METTL15: variants seen among roughly 807,000 people sequenced by gnomAD.
METTL15 encodes the protein 12S rRNA N(4)-cytidine methyltransferase METTL15.
A neutral mutation model predicts 38.3 loss-of-function variants in METTL15; 34 were observed. The observed-to-expected ratio is 0.89, with a 90% CI of 0.68 to 1.18. METTL15 has a LOEUF of 1.18. Ranked by LOEUF, METTL15 falls within the 50% of genes most tolerant of loss-of-function variation. METTL15 has a pLI of 0.00. For synonymous variants in METTL15, 162 were observed against 170.9 expected, an observed-to-expected ratio of 0.95 and a Z score of 0.41; for missense variants, 438 against 498.4, an observed-to-expected ratio of 0.88 and a Z score of 1.15.
chr11:28,382,831 G>A (rs529306324), intron 5 of METTL15, among the ~76,000 whole-genome samples: 19 of 148,840 alleles, frequency 1.3e-4, no homozygotes, highest in South Asian at 4.2e-4. Flanking sequence ...GTGAAACTCC[G>A]TCTCAAAAAA....
At chr11:28,125,759 T>C (rs1852452924) in intron 3 of METTL15, 1 of 152,118 alleles carries the variant, frequency 6.6e-6, no homozygotes, top group Non-Finnish European at 1.5e-5. Flanking sequence ...GTAACTGTTT[T>C]GTTAAGTTCT....
At chr11:28,137,107 C>G (rs1849540448) in intron 3 of METTL15, among the ~76,000 whole-genome samples, 1 of 152,130 alleles carries the variant, frequency 6.6e-6, no homozygotes, top group Non-Finnish European at 1.5e-5. Flanking sequence ...AACCTTTTAT[C>G]ACACTTTACA....
chr11:28,421,086 A>G (rs1328866503), intron 5 of METTL15, among the ~76,000 whole-genome samples: 1 of 152,064 alleles, frequency 6.6e-6, no homozygotes, highest in Non-Finnish European at 1.5e-5. Context: ...GAGCAACTAT[A>G]TGTGAATAAA....
intron 3 of METTL15, among the ~76,000 whole-genome samples, chr11:28,182,194 C>G (rs1396204208): frequency 6.6e-6 from 1 of 151,918 alleles, no homozygotes; most frequent in African/African-American, 2.4e-5. Flanking sequence ...AAAATTTTCT[C>G]CCATTCTGTA....
chr11:28,380,352 T>TAGAGATGAGGTTTCACCATGTTAGC (rs1337323067), intron 5 of METTL15, among the ~76,000 whole-genome samples: 6 of 152,174 alleles, frequency 3.9e-5, no homozygotes, highest in Non-Finnish European at 2.9e-5. Context: ...GTATTTTTAA[T>TAGAGATGAGGTTTCACCATGTTAGC]AGAGATGAGG....
intron 4 of METTL15, among the ~76,000 whole-genome samples, chr11:28,214,817 A>T (rs1294481001): frequency 6.6e-6 from 1 of 152,188 alleles, no homozygotes; most frequent in Non-Finnish European, 1.5e-5. Flanking sequence ...AATACTTATA[A>T]AATTAGTAAG....
chr11:28,162,852 T>G (rs1212985670), intron 3 of METTL15, among the ~76,000 whole-genome samples: 2 of 152,168 alleles, frequency 1.3e-5, no homozygotes, highest in Non-Finnish European at 2.9e-5. Context: ...ATTCAAGGTA[T>G]GGTTTTGACT....
intron 5 of METTL15, among the ~76,000 whole-genome samples, chr11:28,385,871 T>C (rs548074163): frequency 2.6e-5 from 4 of 152,186 alleles, no homozygotes; most frequent in African/African-American, 9.6e-5. Context: ...GAACCAGAAG[T>C]CTCATAAATC....
At chr11:28,251,753 G>C (rs1261619796) in intron 4 of METTL15, among the ~76,000 whole-genome samples, 2 of 151,864 alleles carry the variant, frequency 1.3e-5, no homozygotes, top group Non-Finnish European at 2.9e-5. Context: ...TTCACACTCT[G>C]GTCATCATTT....
At chr11:28,499,973 A>G (rs145439161) in intron 6 of METTL15, among the ~76,000 whole-genome samples, 11 of 150,458 alleles carry the variant, frequency 7.3e-5, no homozygotes, top group African/African-American at 2.7e-4. Context: ...AACTTTTTCT[A>G]TTGTTTGTTT....
intron 3 of METTL15, among the ~76,000 whole-genome samples, chr11:28,168,404 A>G (rs1043420256): frequency 6.6e-6 from 1 of 151,706 alleles, no homozygotes; most frequent in African/African-American, 2.4e-5. Flanking sequence ...AGGGTAAGTA[A>G]TGAACATAAT....
intron 4 of METTL15, among the ~76,000 whole-genome samples, chr11:28,286,869 A>G (rs989163177): frequency 6.6e-6 from 1 of 151,876 alleles, no homozygotes; most frequent in Non-Finnish European, 1.5e-5. Flanking sequence ...CAGAACCAGT[A>G]GTATGTACAC....
intron 3 of METTL15, chr11:28,144,794 T>C (rs1000793127): frequency 1.3e-5 from 2 of 153,206 alleles, no homozygotes; most frequent in African/African-American, 4.8e-5. Context: ...CCACTGATTA[T>C]ACTTTTTATT....
At chr11:28,142,874 A>G (rs1046945708) in intron 3 of METTL15, among the ~76,000 whole-genome samples, 1 of 152,182 alleles carries the variant, frequency 6.6e-6, no homozygotes, top group East Asian at 1.9e-4. Flanking sequence ...TGGGTTGTGC[A>G]ACAGTAGATG....
intron 4 of METTL15, among the ~76,000 whole-genome samples, chr11:28,241,065 T>C (rs368143991): frequency 1.3e-5 from 2 of 152,328 alleles, no homozygotes; most frequent in East Asian, 3.9e-4. Flanking sequence ...TTATTTAGCA[T>C]ATATTTATTG....
intron 3 of METTL15, among the ~76,000 whole-genome samples, chr11:28,154,990 A>G (rs566516513): frequency 7.9e-5 from 12 of 152,280 alleles, no homozygotes; most frequent in Admixed American, 5.2e-4. Flanking sequence ...AAGAAACTAC[A>G]AAAGATAGAA....
intron 4 of METTL15, among the ~76,000 whole-genome samples, chr11:28,356,902 C>T (rs1850095212): frequency 6.6e-6 from 1 of 152,158 alleles, no homozygotes; most frequent in Non-Finnish European, 1.5e-5. Context: ...GAAGAAGAGG[C>T]ATTACCTGGC....
intron 4 of METTL15, among the ~76,000 whole-genome samples, chr11:28,236,071 G>T (rs1260527846): frequency 6.6e-6 from 1 of 152,084 alleles, no homozygotes; most frequent in Non-Finnish European, 1.5e-5. Context: ...TAATCATGTG[G>T]TTTTTGTCTT....
At chr11:28,491,596 G>A (rs1851495337) in intron 6 of METTL15, among the ~76,000 whole-genome samples, 3 of 152,086 alleles carry the variant, frequency 2.0e-5, no homozygotes, top group Non-Finnish European at 4.4e-5. Flanking sequence ...GGTCACTCTT[G>A]TGTATAGTCA....
Sources: gnomAD v4.1 joint callset for allele counts (sites outside exome capture counted in the v4.1 genomes callset) on GRCh38, gnomAD v4.1.1 for gene constraint, MANE v1.5 for transcripts, NCBI Gene and HGNC (gene_info 2026-07-23, HGNC 2026-07-21) for gene names.